PPP1R21: variants seen among roughly 807,000 people sequenced by gnomAD.
PPP1R21 encodes KLRAQ motif containing 1.
A neutral mutation model predicts 112.8 loss-of-function variants in PPP1R21; 85 were observed. The ratio of observed to expected loss-of-function variants is 0.75; its 90% confidence interval spans 0.63 to 0.90. The LOEUF is 0.90. Among genes scored for constraint, PPP1R21 ranks in the 40% least tolerant of loss-of-function variants. The probability of loss-of-function intolerance (pLI) is 0.00; values close to 1 mark genes in which losing one functional copy is unlikely to be tolerated. For synonymous variants in PPP1R21, 381 were observed against 322.3 expected (o/e 1.18, Z -1.95); for missense variants, 1,199 against 901.5 (o/e 1.33, Z -4.23).
intron 1 of PPP1R21, among the ~76,000 whole-genome samples, chr2:48,448,980 G>C (rs185017618): frequency 5.4e-4 from 82 of 151,256 alleles, no homozygotes; most frequent in African/African-American, 1.8e-3. Flanking sequence ...TTGGCCCTCA[G>C]ACCTTAGTTG....
intron 12 of PPP1R21, among the ~76,000 whole-genome samples, chr2:48,477,116 ATT>A (rs779139882): frequency 4.4e-5 from 5 of 114,766 alleles, no homozygotes; most frequent in Admixed American, 2.7e-4. Context: ...TTTTGAATTA[ATT>A]TTTTTTTTTT....
intron 1 of PPP1R21, among the ~76,000 whole-genome samples, chr2:48,447,978 TAAAA>T (rs200318371): frequency 3.4e-5 from 5 of 146,114 alleles, no homozygotes; most frequent in South Asian, 2.2e-4. Context: ...AATAATAAAA[TAAAA>T]AAAAAAGATC....
chr2:48,460,174 C>G, intron 6 of PPP1R21, 21 bp downstream of exon 6: 2 of 1,613,100 alleles, frequency 1.2e-6, no homozygotes, highest in South Asian at 1.1e-5. Context: ...ACTTGAATTC[C>G]AAGAGGGTTC....
chr2:48,497,058 A>T (rs1669880504), intron 16 of PPP1R21, among the ~76,000 whole-genome samples: 1 of 152,218 alleles, frequency 6.6e-6, no homozygotes, highest in Non-Finnish European at 1.5e-5. Context: ...AAAGGGAGTC[A>T]TGGGAACCTC....
intron 9 of PPP1R21, among the ~76,000 whole-genome samples, chr2:48,469,488 C>CGTAT (rs1482835962): frequency 2.2e-5 from 1 of 44,764 alleles, no homozygotes; most frequent in African/African-American, 7.3e-5. Context: ...ATATATAGAG[C>CGTAT]ATATATATAT....
chr2:48,510,167 G>C, intron 20 of PPP1R21, 54 bp downstream of exon 20: 1 of 1,354,532 alleles, frequency 7.4e-7, no homozygotes, highest in Non-Finnish European at 1.0e-6. Flanking sequence ...AAAGTTCTTT[G>C]GTAGCAAAGC....
At chr2:48,454,128 G>C (rs1025604424) in intron 2 of PPP1R21, among the ~76,000 whole-genome samples, 2 of 152,172 alleles carry the variant, frequency 1.3e-5, no homozygotes, top group African/African-American at 4.8e-5. Flanking sequence ...GAGTATGGTA[G>C]TGTGCGCCTG....
intron 7 of PPP1R21, among the ~76,000 whole-genome samples, chr2:48,462,073 A>C (rs1280250214): frequency 6.6e-6 from 1 of 152,204 alleles, no homozygotes; most frequent in African/African-American, 2.4e-5. Flanking sequence ...GATTCACTGG[A>C]TTTGAAACTG....
intron 12 of PPP1R21, chr2:48,479,440 C>T (rs1175734046): frequency 2.1e-6 from 1 of 470,866 alleles, no homozygotes; most frequent in Non-Finnish European, 4.4e-6. Flanking sequence ...TTAGAACCGT[C>T]TCCAGAGACT....
Position 48,514,937 on chromosome 2 carries a change from G to A in PPP1R21, c.*193G>A, listed in dbSNP as rs534576789. 1 of 558,770 alleles carries A rather than the reference G, an allele frequency of 1.8e-6. No homozygotes were observed. Among genetic ancestry groups the A allele is most frequent in the African/African-American group, 1.9e-5 (1 of 53,010 alleles). 34.6% of individuals were successfully genotyped at this position (558,770 alleles called of 1,614,324 possible). ...TGTAACCAGTGAGGCAAATACAGAA[G>A]TTGATGTCGGCAGTAAATGGAAAAC... On this transcript the variant is annotated 3_prime_UTR_variant, in exon 22 of 22. Coordinates refer to ENST00000294952, the MANE Select transcript of PPP1R21 (RefSeq NM_001135629.3).
At chr2:48,465,419 G>A (rs1668155490) in intron 8 of PPP1R21, 74 bp from the exon 9 acceptor site, 1 of 1,353,052 alleles carries the variant, frequency 7.4e-7, no homozygotes, top group South Asian at 1.4e-5. Flanking sequence ...GTTTTCTCCA[G>A]ATCAGACTCA....
intron 17 of PPP1R21, among the ~76,000 whole-genome samples, chr2:48,505,023 A>G (rs918370104): frequency 4.6e-5 from 7 of 152,318 alleles, no homozygotes; most frequent in African/African-American, 1.7e-4. Flanking sequence ...AAAAAAATCT[A>G]GTAGCATTTT....
chr2:48,471,387 A>C lies in PPP1R21; in HGVS notation c.1088+20A>C. Reference sequence around the variant, plus strand: ...AAAAAGGTAGTTACCCCCGGAGGCCAGGGAACTTGGGGAATTGTGGGTGTA... The same window carrying C: ...AAAAAGGTAGTTACCCCCGGAGGCCCGGGAACTTGGGGAATTGTGGGTGTA... On this transcript the variant is annotated intron_variant, in intron 11 of 21. Coordinates refer to ENST00000294952, the MANE Select transcript of PPP1R21 (RefSeq NM_001135629.3). The C allele has an allele frequency of 6.3e-7, 1 of 1,588,364 alleles. No homozygotes were observed. The highest frequency in any genetic ancestry group is 2.2e-5 in the East Asian group (1 of 44,740).
chr2:48,498,883 A>G (rs1669972980), intron 17 of PPP1R21, 148 bp downstream of exon 17: 2 of 854,898 alleles, frequency 2.3e-6, no homozygotes, highest in Admixed American at 2.8e-5. Context: ...ACAGAAATTT[A>G]TTTCTCCCAG....
intron 14 of PPP1R21, 72 bp from the exon 15 acceptor site, chr2:48,490,946 A>G: frequency 7.4e-7 from 1 of 1,355,702 alleles, no homozygotes; most frequent in Non-Finnish European, 1.0e-6. Flanking sequence ...CTTTGCTGCA[A>G]AAACTATTAG....
intron 21 of PPP1R21, 61 bp from the exon 22 acceptor site, chr2:48,514,654 A>G: frequency 7.9e-7 from 1 of 1,265,202 alleles, no homozygotes; most frequent in Non-Finnish European, 1.2e-6. Context: ...TGGTTTATAA[A>G]CTATGTGAGT....
intron 1 of PPP1R21, among the ~76,000 whole-genome samples, chr2:48,445,106 A>G (rs1009370749): frequency 1.4e-5 from 2 of 147,840 alleles, no homozygotes; most frequent in Non-Finnish European, 3.0e-5. Context: ...TAGACTCAGG[A>G]GCTGGATAGG....
intron 20 of PPP1R21, 121 bp from the exon 21 acceptor site, chr2:48,511,219 A>T: frequency 1.0e-6 from 1 of 963,714 alleles, no homozygotes; most frequent in Non-Finnish European, 1.6e-6. Flanking sequence ...TTTGAAATAT[A>T]CAGTAAATTA....
intron 13 of PPP1R21, among the ~76,000 whole-genome samples, chr2:48,486,155 G>A (rs1669288001): frequency 6.6e-6 from 1 of 152,034 alleles, no homozygotes; most frequent in Non-Finnish European, 1.5e-5. Context: ...ACTTCTCATT[G>A]CTAGTTAGGG....
Sources: gnomAD v4.1 joint callset for allele counts (sites outside exome capture counted in the v4.1 genomes callset) on GRCh38, gnomAD v4.1.1 for gene constraint, MANE v1.5 for transcripts, NCBI Gene and HGNC (gene_info 2026-07-23, HGNC 2026-07-21) for gene names.